The following IRAK3 variants were observed in gnomAD, a reference collection of about 807,000 sequenced individuals.
IRAK3 encodes the protein interleukin-1 receptor-associated kinase 3.
IRAK3 carries 57 observed loss-of-function variants against 56.6 expected under a neutral mutation model. The ratio of observed to expected loss-of-function variants is 1.01; its 90% CI spans 0.81 to 1.26. The LOEUF (loss-of-function observed/expected upper bound fraction) is 1.26. IRAK3 is among the 50% of genes most tolerant of loss of function. IRAK3 has a pLI of 0.00. For synonymous variants in IRAK3, 258 were observed against 255.7 expected (o/e 1.01, Z -0.09); for missense variants, 703 against 719.0 (o/e 0.98, Z 0.25).
chr12:66,244,412 G>A, intron 8 of IRAK3, 74 bp from the exon 9 acceptor site: 1 of 1,088,710 alleles, frequency 9.2e-7, no homozygotes, highest in Non-Finnish European at 1.4e-6. Context: ...AAGAAGGTGA[G>A]TTTATAGTAT....
In IRAK3 at chr12:66,248,253, A is replaced by G; in HGVS notation, c.*82A>G. ...ATGACCTTGGGAAGACATTGGCTCCATAAGCAATGCCAAGAGAATGATCAA... is the reference window on the plus strand; with the variant it reads ...ATGACCTTGGGAAGACATTGGCTCCGTAAGCAATGCCAAGAGAATGATCAA... On this transcript the variant is annotated 3_prime_UTR_variant, in exon 12 of 12. Transcript: ENST00000261233. 1 of 912,754 alleles carries G rather than the reference A, an allele frequency of 1.1e-6. No homozygotes were observed. Among genetic ancestry groups the G allele is most frequent in the Non-Finnish European group, 1.8e-6 (1 of 559,700 alleles). The allele number at this position is 912,754 out of a possible 1,614,324, so 56.5% of individuals were successfully genotyped here. A position where few individuals can be genotyped will look rare whatever the true frequency, so the allele number is the denominator to read the frequency against.
At chr12:66,215,294 C>T (rs906678832) in intron 5 of IRAK3, among the ~76,000 whole-genome samples, 1 of 152,212 alleles carries the variant, frequency 6.6e-6, no homozygotes, top group Non-Finnish European at 1.5e-5. Context: ...GCCACCAAAT[C>T]ACACTCCCTT....
intron 1 of IRAK3, chr12:66,197,474 A>G: frequency 1.0e-6 from 1 of 984,884 alleles, no homozygotes; most frequent in Non-Finnish European, 1.2e-6. Context: ...TATGGATGCT[A>G]AAAATACTCT....
intron 6 of IRAK3, among the ~76,000 whole-genome samples, chr12:66,223,425 C>A (rs573977162): frequency 2.0e-5 from 3 of 151,672 alleles, no homozygotes; most frequent in African/African-American, 7.3e-5. Context: ...TTTGGGAGGC[C>A]GAGGCAGGCG....
chr12:66,250,185 T>C lies in IRAK3; in HGVS notation c.*2014T>C, dbSNP rs1005960637. On this transcript the variant is annotated 3_prime_UTR_variant, in exon 12 of 12. Transcript: ENST00000261233. ...TGGATAGAAACACTGAAGAAAACCA[T>C]TTTCAGAGGATTTACTGAATTTTCC... 2.0e-5 allele frequency: 3 copies of C among 152,186 alleles called. No individual in the cohort carries two copies. Among genetic ancestry groups the C allele is most frequent in the African/African-American group, 7.2e-5 (3 of 41,450 alleles). 9.4% of individuals were successfully genotyped at this position (152,186 alleles called of 1,614,324 possible).
intron 8 of IRAK3, chr12:66,235,176 T>C (rs1028379523): frequency 9.4e-6 from 15 of 1,587,936 alleles, no homozygotes; most frequent in Admixed American, 8.4e-5. Context: ...CTGGTGGTGC[T>C]GGGACTGGGA....
chr12:66,235,018 G>C lies in IRAK3; in HGVS notation c.887+6648G>C, dbSNP rs2052887618. Reference sequence around the variant, plus strand: ...TGTTCGTTGTCTTATGCAAAATTGCGTTTGTGGAGACTATTTTCCCATATG... The same window carrying C: ...TGTTCGTTGTCTTATGCAAAATTGCCTTTGTGGAGACTATTTTCCCATATG... On this transcript the variant is annotated intron_variant, in intron 8 of 11. Coordinates refer to ENST00000261233, the MANE Select transcript of IRAK3 (RefSeq NM_007199.3). 4.3e-6 allele frequency: 7 copies of C among 1,613,370 alleles called. No individual in the cohort carries two copies. The South Asian group carries it at 4.4e-5, about 10-fold the overall frequency.
At chr12:66,234,465 T>C in intron 8 of IRAK3, 1 of 1,611,404 alleles carries the variant, frequency 6.2e-7, no homozygotes, top group Middle Eastern at 2.1e-4. Context: ...TTTGTAGCAA[T>C]ACTGTATGGT....
intron 6 of IRAK3, among the ~76,000 whole-genome samples, chr12:66,220,431 C>T (rs117677674): frequency 1.5e-4 from 23 of 149,962 alleles, no homozygotes; most frequent in East Asian, 1.4e-3. Flanking sequence ...GTTTTTATGC[C>T]GGTGCCATAC....
chr12:66,228,097 GA>G (rs1365723706), intron 7 of IRAK3, among the ~76,000 whole-genome samples, 154 bp from the exon 8 acceptor site: 1 of 152,086 alleles, frequency 6.6e-6, no homozygotes, highest in African/African-American at 2.4e-5. Context: ...AACCCATCTG[GA>G]ATTAAAAATA....
At chr12:66,196,902 G>A in intron 1 of IRAK3, 2 of 1,525,988 alleles carry the variant, frequency 1.3e-6, no homozygotes, top group Non-Finnish European at 1.8e-6. Flanking sequence ...AGCTTTGTGA[G>A]AATGGAGTCT....
chr12:66,234,367 AG>A lies in IRAK3; in HGVS notation c.887+5999del, dbSNP rs2136944503. 4.3e-6 allele frequency: 7 copies of A among 1,612,320 alleles called. No individual in the cohort carries two copies. The South Asian group carries it at 7.7e-5, about 18-fold the overall frequency. ...CGGGGTGCTGTAGAATATATGGTTGAGGTTGCGTCCAAGAAGGACTTTGCAC... is the reference window on the plus strand; with the variant it reads ...CGGGGTGCTGTAGAATATATGGTTGAGTTGCGTCCAAGAAGGACTTTGCAC... On this transcript the variant is annotated intron_variant, in intron 8 of 11. Transcript: ENST00000261233.
rs1280841489 is a variant in IRAK3 at position 66,211,458 on chromosome 12, A to C, written c.449A>C (p.Lys150Thr). 6.3e-7 allele frequency: 1 copy of C among 1,598,958 alleles called. No individual in the cohort carries two copies. The highest frequency in any genetic ancestry group is 8.6e-7 in the Non-Finnish European group (1 of 1,166,232). ...TTTCCTTCCTAAGGAATACTGCTTAAATCTTCCATCAGCTTTCAAAATATC... is the reference window on the plus strand; with the variant it reads ...TTTCCTTCCTAAGGAATACTGCTTACATCTTCCATCAGCTTTCAAAATATC... ...PEHNEKGILL[K>T]SSISFQNIIE... Residue 150 changes from lysine to threonine, a missense_variant, in exon 5 of 12, where the codon AAA (lysine) becomes ACA (threonine). By Grantham distance (78) the Lys-to-Thr change is moderately conservative (BLOSUM62 -1). Coordinates refer to ENST00000261233, the MANE Select transcript of IRAK3 (RefSeq NM_007199.3).
chr12:66,243,035 C>T (rs1274678674), intron 8 of IRAK3, among the ~76,000 whole-genome samples: 3 of 151,674 alleles, frequency 2.0e-5, no homozygotes, highest in Non-Finnish European at 4.4e-5. Flanking sequence ...CAATGCGCTC[C>T]AGCCTGGGGG....
intron 8 of IRAK3, 28 bp downstream of exon 8, chr12:66,228,398 A>G: frequency 6.8e-7 from 1 of 1,476,188 alleles, no homozygotes; most frequent in Non-Finnish European, 9.5e-7. Context: ...TTTTGGTTAT[A>G]CCTGAAAGCT....
intron 5 of IRAK3, among the ~76,000 whole-genome samples, chr12:66,214,033 A>C (rs2052639924): frequency 6.6e-6 from 1 of 152,220 alleles, no homozygotes; most frequent in Non-Finnish European, 1.5e-5. Context: ...GGTCTTCCTC[A>C]TGAATAGCAT....
In IRAK3 at chr12:66,235,275, T is replaced by C. The variant is rs548863216; in HGVS notation, c.887+6905T>C. 50 of 1,527,740 alleles carry C rather than the reference T, an allele frequency of 3.3e-5. 1 individual carries two copies. The Admixed American group carries it at 7.5e-4, about 23-fold the overall frequency. 94.6% of individuals were successfully genotyped at this position (1,527,740 alleles called of 1,614,324 possible). A position where few individuals can be genotyped will look rare whatever the true frequency, so the allele number is the denominator to read the frequency against. On this transcript the variant is annotated intron_variant, in intron 8 of 11. Transcript: ENST00000261233. ...CTGCCCCCGGGGTTGCCGCTGCTGC[T>C]GGGGAAGATCATCGCTGCGGGCCGC...
chr12:66,234,342 C>G lies in IRAK3; in HGVS notation c.887+5972C>G, dbSNP rs1011313408. On this transcript the variant is annotated intron_variant, in intron 8 of 11. Transcript: ENST00000261233. Reference sequence around the variant, plus strand: ...TCCATTGAGGGAGTTAACACGGCACCGGGGTGCTGTAGAATATATGGTTGA... The same window carrying G: ...TCCATTGAGGGAGTTAACACGGCACGGGGGTGCTGTAGAATATATGGTTGA... The G allele has an allele frequency of 1.9e-6, 3 of 1,612,380 alleles. No homozygotes were observed. The African/African-American group carries it at 4.0e-5, about 22-fold the overall frequency.
chr12:66,189,444 G>A lies in IRAK3; in HGVS notation c.133+12G>A. 1 of 1,226,696 alleles carries A rather than the reference G, an allele frequency of 8.2e-7. No individual in the cohort carries two copies. The highest frequency in any genetic ancestry group is 1.0e-6 in the Non-Finnish European group (1 of 982,710). 76.0% of individuals were successfully genotyped at this position (1,226,696 alleles called of 1,614,324 possible). On this transcript the variant is annotated intron_variant, in intron 1 of 11. Coordinates refer to ENST00000261233, the MANE Select transcript of IRAK3 (RefSeq NM_007199.3). ...CTGGCGCGGCCTGGGTGAGTCGGCG[G>A]GGACCGGCCGGGGGCGGCGGGGGAG... is the stretch of plus-strand genomic sequence containing the variant.
Sources: allele counts gnomAD v4.1 joint callset (sites outside exome capture counted in the v4.1 genomes callset), GRCh38; gene constraint gnomAD v4.1.1; transcripts MANE v1.5; gene names NCBI Gene and HGNC (gene_info 2026-07-23, HGNC 2026-07-21).